PLCL1: variants seen among roughly 807,000 people sequenced by gnomAD.
The protein encoded by PLCL1 is phospholipase C like 1 (inactive).
Under a neutral mutation model 84.4 loss-of-function variants are expected in PLCL1, and 41 were observed. The ratio of observed to expected loss-of-function variants is 0.49; its 90% CI spans 0.38 to 0.63. The LOEUF is 0.63. Among genes scored for constraint, PLCL1 ranks in the 30% least tolerant of loss-of-function variants. PLCL1 has a pLI of 0.00. For synonymous variants in PLCL1, 490 were observed against 488.3 expected (o/e 1.00, Z -0.05); for missense variants, 1,206 against 1,367.8 (o/e 0.88, Z 1.87).
At chr2:198,029,547 T>G (rs1276060972) in intron 1 of PLCL1, among the ~76,000 whole-genome samples, 2 of 152,036 alleles carry the variant, frequency 1.3e-5, no homozygotes, top group Non-Finnish European at 2.9e-5. Flanking sequence ...TTTAGACAAA[T>G]GAAAGTGGGA....
intron 2 of PLCL1, among the ~76,000 whole-genome samples, chr2:198,088,090 T>A (rs575526691): frequency 6.6e-6 from 1 of 152,312 alleles, no homozygotes; most frequent in Non-Finnish European, 1.5e-5. Context: ...ACTTTACATA[T>A]TTTATATAAT....
At chr2:197,846,345 G>A (rs921448059) in intron 1 of PLCL1, among the ~76,000 whole-genome samples, 2 of 152,076 alleles carry the variant, frequency 1.3e-5, no homozygotes, top group African/African-American at 4.8e-5. Context: ...AATCGCAAAG[G>A]CAAATTATGT....
chr2:197,820,846 G>C (rs1483394747), intron 1 of PLCL1, among the ~76,000 whole-genome samples: 2 of 151,998 alleles, frequency 1.3e-5, no homozygotes. Flanking sequence ...TAAAGAATTT[G>C]CTTTTTTACA....
chr2:198,015,826 G>T (rs964042883), intron 1 of PLCL1, among the ~76,000 whole-genome samples: 1 of 152,010 alleles, frequency 6.6e-6, no homozygotes, highest in African/African-American at 2.4e-5. Flanking sequence ...TTAAAACACT[G>T]GAGCCAAAAT....
chr2:197,826,589 A>G lies in PLCL1; in HGVS notation c.240+21250A>G, dbSNP rs146667304. 7.2e-5 allele frequency among the ~76,000 whole-genome samples: 11 copies of G among 152,306 alleles called. No homozygotes were observed. In the East Asian group the frequency reaches 2.1e-3, roughly 29 times the overall value. ...TAATCAATTCTTTTTACACTATAAT[A>G]CATTTGGCAAAGTTACTTTTAATGA... On this transcript the variant is annotated intron_variant, in intron 1 of 5. Coordinates refer to ENST00000428675, the MANE Select transcript of PLCL1 (RefSeq NM_006226.4).
chr2:198,113,312 T>C (rs1001766205), intron 5 of PLCL1, among the ~76,000 whole-genome samples: 1 of 151,990 alleles, frequency 6.6e-6, no homozygotes, highest in Non-Finnish European at 1.5e-5. Flanking sequence ...TATTTCATTT[T>C]ATTTTTGGTG....
intron 1 of PLCL1, among the ~76,000 whole-genome samples, chr2:197,985,764 G>A (rs1321717140): frequency 6.6e-6 from 1 of 152,168 alleles, no homozygotes; most frequent in Non-Finnish European, 1.5e-5. Flanking sequence ...GCCTTTTACA[G>A]GAAAAGTTTA....
chr2:198,025,450 A>G (rs1691241165), intron 1 of PLCL1, among the ~76,000 whole-genome samples: 1 of 151,908 alleles, frequency 6.6e-6, no homozygotes, highest in African/African-American at 2.4e-5. Flanking sequence ...GCACAGTACC[A>G]TATTATGTGG....
chr2:198,031,625 G>C (rs983544147), intron 1 of PLCL1, among the ~76,000 whole-genome samples: 11 of 147,924 alleles, frequency 7.4e-5, no homozygotes, highest in Admixed American at 2.0e-4. Context: ...CCAGTGCTGA[G>C]GTTACAGGTA....
chr2:197,823,670 C>G (rs960318348), intron 1 of PLCL1, among the ~76,000 whole-genome samples: 1 of 152,080 alleles, frequency 6.6e-6, no homozygotes, highest in African/African-American at 2.4e-5. Context: ...TTGTGATGGT[C>G]ATCTTTCTGG....
At chr2:198,099,133 A>G (rs1475492952) in intron 3 of PLCL1, among the ~76,000 whole-genome samples, 1 of 152,198 alleles carries the variant, frequency 6.6e-6, no homozygotes, top group Non-Finnish European at 1.5e-5. Flanking sequence ...AAATCAGGCC[A>G]CTGCCAGATT....
Position 198,085,121 on chromosome 2 carries a change from G to T in PLCL1, c.1604G>T (p.Arg535Ile). The T allele has an allele frequency of 6.2e-7, 1 of 1,614,002 alleles. No homozygotes were observed. ...CTCCCATCACCAGAAAAATTAAAAAGAATGATCATTGTGAAAGGAAAGAAG... is the reference window on the plus strand; with the variant it reads ...CTCCCATCACCAGAAAAATTAAAAATAATGATCATTGTGAAAGGAAAGAAG... ...SYLPSPEKLK[R>I]MIIVKGKKLP... is the part of the protein sequence containing the mutation. The change falls in exon 2 of 6, where the codon AGA (arginine) becomes ATA (isoleucine). Residue 535 changes from arginine (R) to isoleucine (I), a missense_variant. Physicochemically the swap from Arg to Ile is moderately conservative, Grantham distance 97. Transcript: ENST00000428675. The surrounding 1 kb of genome is among the most constrained non-coding windows in gnomAD (Gnocchi z 5.3).
chr2:197,876,779 A>G (rs887081113), intron 1 of PLCL1, among the ~76,000 whole-genome samples: 15 of 152,304 alleles, frequency 9.8e-5, no homozygotes, highest in African/African-American at 3.6e-4. Context: ...GAATTCTAAC[A>G]TCATCAAGTC....
chr2:197,886,780 C>A (rs1442721205), intron 1 of PLCL1, among the ~76,000 whole-genome samples: 1 of 152,124 alleles, frequency 6.6e-6, no homozygotes, highest in Admixed American at 6.6e-5. Context: ...ATAGAGAATT[C>A]TTCAATCCAT....
chr2:197,857,259 G>A (rs1032485006), intron 1 of PLCL1, among the ~76,000 whole-genome samples: 1 of 152,000 alleles, frequency 6.6e-6, no homozygotes, highest in East Asian at 1.9e-4. Flanking sequence ...ATGGCATGTG[G>A]CCATCTCTGA....
chr2:197,843,642 T>G (rs1687060860), intron 1 of PLCL1, among the ~76,000 whole-genome samples: 1 of 152,174 alleles, frequency 6.6e-6, no homozygotes, highest in African/African-American at 2.4e-5. Flanking sequence ...AAGGTCAAGA[T>G]GGATAATGGA....
chr2:198,030,642 C>T (rs184077607), intron 1 of PLCL1, among the ~76,000 whole-genome samples: 1 of 152,254 alleles, frequency 6.6e-6, no homozygotes, highest in East Asian at 1.9e-4. Context: ...AAATGCTTTA[C>T]ATGTCATTAA....
At chr2:198,101,201 T>A (rs915062901) in intron 3 of PLCL1, 84 bp from the exon 4 acceptor site, 4 of 786,312 alleles carry the variant, frequency 5.1e-6, no homozygotes, top group Non-Finnish European at 8.9e-6. Context: ...GGAGGTATCA[T>A]GTGGGTCTCT....
intron 1 of PLCL1, among the ~76,000 whole-genome samples, chr2:197,980,272 G>A (rs1690075281): frequency 6.6e-6 from 1 of 152,338 alleles, no homozygotes; most frequent in Middle Eastern, 3.4e-3. Context: ...TGAGTGATAT[G>A]TCCAGTGTGC....
Sources: allele counts gnomAD v4.1 joint callset (sites outside exome capture counted in the v4.1 genomes callset), GRCh38; gene constraint gnomAD v4.1.1; non-coding constraint Gnocchi (gnomAD v3.1); transcripts MANE v1.5; gene names NCBI Gene and HGNC (gene_info 2026-07-23, HGNC 2026-07-21).